The following CEP85L variants were observed in gnomAD, a reference collection of about 807,000 sequenced individuals.
CEP85L encodes centrosomal protein of 85 kDa-like.
In CEP85L, 60 loss-of-function variants were observed where a neutral mutation model predicts 100.3. The ratio of observed to expected loss-of-function variants is 0.60; its 90% confidence interval spans 0.49 to 0.74. The LOEUF is 0.74. Among genes scored for constraint, CEP85L ranks in the 30% least tolerant of loss-of-function variants. CEP85L has a pLI of 0.00. For synonymous variants in CEP85L, 319 were observed against 322.7 expected, an observed-to-expected ratio of 0.99 and a Z score of 0.12; for missense variants, 973 against 936.2, an observed-to-expected ratio of 1.04 and a Z score of -0.51.
Position 118,470,547 on chromosome 6 carries a change from G to A in CEP85L, c.2012C>T (p.Ala671Val). 2.5e-6 allele frequency: 4 copies of A among 1,583,068 alleles called. No homozygotes were observed. Among genetic ancestry groups the A allele is most frequent in the Non-Finnish European group, 3.4e-6 (4 of 1,163,778 alleles). Reference sequence around the variant, plus strand: ...ATTTCTTCTACTCACTTCAAGCAATGCTTTTGTTAATCTCTGTACATTTCT... The same window carrying A: ...ATTTCTTCTACTCACTTCAAGCAATACTTTTGTTAATCTCTGTACATTTCT... Reference protein sequence around the residue: ...KERNVQRLTKALLENQRQTDE... With the variant: ...KERNVQRLTKVLLENQRQTDE... Residue 671 changes from alanine to valine, a missense_variant, in exon 11 of 13, where the codon GCA becomes GTA. Coordinates refer to ENST00000368491, the MANE Select transcript of CEP85L (RefSeq NM_001042475.3).
chr6:118,612,226 T>A (rs376040875), intron 2 of CEP85L, among the ~76,000 whole-genome samples: 4 of 150,428 alleles, frequency 2.7e-5, no homozygotes, highest in African/African-American at 9.8e-5. Context: ...ACACTTACAG[T>A]CCTGAGAAGC....
chr6:118,686,170 T>C (rs923605194), intron 1 of CEP85L, among the ~76,000 whole-genome samples: 1 of 150,900 alleles, frequency 6.6e-6, no homozygotes, highest in Non-Finnish European at 1.5e-5. Context: ...GCTCGGAAGA[T>C]ATATGTTCTA....
chr6:118,676,367 C>T (rs1776483191), intron 1 of CEP85L, among the ~76,000 whole-genome samples: 1 of 152,160 alleles, frequency 6.6e-6, no homozygotes, highest in Non-Finnish European at 1.5e-5. Flanking sequence ...CGTTGGTAAG[C>T]ACCGTTCCAC....
chr6:118,523,813 A>C lies in CEP85L; in HGVS notation c.1128T>G (p.Ile376Met). The C allele has an allele frequency of 1.3e-6, 2 of 1,509,528 alleles. No individual in the cohort carries two copies. Among genetic ancestry groups the C allele is most frequent in the Non-Finnish European group, 1.8e-6 (2 of 1,088,074 alleles). The allele number at this position is 1,509,528 out of a possible 1,614,324, so 93.5% of individuals were successfully genotyped here. ...IKEGLLRQKE[I>M]VIDRQKQQIT... ...TAAAATAGACTCACCGATCGATTAC[A>C]ATTTCTTTCTGCCTTAGAAGTCCTT... Residue 376 changes from isoleucine to methionine, a missense_variant, in exon 4 of 13, where the codon ATT (isoleucine) becomes ATG (methionine). By Grantham distance (10) the Ile-to-Met change is conservative. Around this residue, in one of 3 missense-constraint regions of CEP85L, gnomAD observed 890 missense variants for 844.5 expected, o/e 1.05. Transcript: ENST00000368491.
intron 1 of CEP85L, among the ~76,000 whole-genome samples, chr6:118,703,276 A>G (rs1181861677): frequency 2.0e-5 from 3 of 151,830 alleles, no homozygotes; most frequent in Non-Finnish European, 4.4e-5. Context: ...TAAGCCACTA[A>G]GTTTTGAGGT....
chr6:118,647,064 T>G, intron 1 of CEP85L: 1 of 985,436 alleles, frequency 1.0e-6, no homozygotes, highest in South Asian at 4.7e-5. Flanking sequence ...CATGTTCAGT[T>G]GGGTTTAGGC....
chr6:118,645,280 C>G (rs889650164), intron 1 of CEP85L, among the ~76,000 whole-genome samples: 1 of 152,180 alleles, frequency 6.6e-6, no homozygotes, highest in African/African-American at 2.4e-5. Flanking sequence ...GGAGCTCTGC[C>G]CATCCTCTGC....
intron 2 of CEP85L, among the ~76,000 whole-genome samples, chr6:118,593,727 C>T (rs1404300699): frequency 1.3e-5 from 2 of 151,708 alleles, no homozygotes; most frequent in East Asian, 1.9e-4. Context: ...CAAATATCTC[C>T]GAAATCATCT....
intron 2 of CEP85L, among the ~76,000 whole-genome samples, chr6:118,575,723 T>C (rs183089020): frequency 2.3e-3 from 344 of 152,290 alleles, no homozygotes; most frequent in African/African-American, 7.6e-3. Flanking sequence ...CCTCAAGCTA[T>C]ATGTGATGCA....
chr6:118,677,166 CTCA>C (rs1427798825), intron 1 of CEP85L, among the ~76,000 whole-genome samples: 1 of 151,954 alleles, frequency 6.6e-6, no homozygotes, highest in Non-Finnish European at 1.5e-5. Context: ...ACTCAAGTTC[CTCA>C]TCTGCTTAAA....
At chr6:118,567,381 A>G (rs1410569383) in intron 2 of CEP85L, among the ~76,000 whole-genome samples, 1 of 150,924 alleles carries the variant, frequency 6.6e-6, no homozygotes, top group African/African-American at 2.4e-5. Flanking sequence ...TTTACCTCCA[A>G]AATAGTTGAG....
chr6:118,691,447 C>T (rs1217179846), intron 1 of CEP85L, among the ~76,000 whole-genome samples: 1 of 151,144 alleles, frequency 6.6e-6, no homozygotes, highest in Admixed American at 6.6e-5. Flanking sequence ...GCAGGAGAAT[C>T]GCTTTAACCC....
At chr6:118,674,969 C>T (rs1776433531) in intron 1 of CEP85L, among the ~76,000 whole-genome samples, 1 of 152,096 alleles carries the variant, frequency 6.6e-6, no homozygotes, top group Non-Finnish European at 1.5e-5. Flanking sequence ...GGTATTTACC[C>T]AAGAGAAATA....
chr6:118,650,402 A>C (rs1775469745), intron 1 of CEP85L, among the ~76,000 whole-genome samples: 1 of 152,184 alleles, frequency 6.6e-6, no homozygotes, highest in Non-Finnish European at 1.5e-5. Flanking sequence ...GCTCCTACAC[A>C]ACTTCTGAGC....
At chr6:118,605,469 T>TA (rs1354249105) in intron 2 of CEP85L, among the ~76,000 whole-genome samples, 1 of 152,186 alleles carries the variant, frequency 6.6e-6, no homozygotes, top group Non-Finnish European at 1.5e-5. Context: ...ACCTAGTTAT[T>TA]ACACACCAAA....
intron 10 of CEP85L, among the ~76,000 whole-genome samples, chr6:118,472,094 A>C (rs1773003738): frequency 6.6e-6 from 1 of 151,936 alleles, no homozygotes. Flanking sequence ...TAATTATTAT[A>C]TATAACAGAA....
chr6:118,495,813 G>A (rs185111798), intron 5 of CEP85L, among the ~76,000 whole-genome samples: 1 of 152,308 alleles, frequency 6.6e-6, no homozygotes, highest in East Asian at 1.9e-4. Context: ...AACAGCAGAG[G>A]ATATTGAGGC....
At chr6:118,518,213 A>C (rs1776400390) in intron 4 of CEP85L, among the ~76,000 whole-genome samples, 1 of 152,106 alleles carries the variant, frequency 6.6e-6, no homozygotes, top group African/African-American at 2.4e-5. Flanking sequence ...TGTCTCTGCC[A>C]GGTTTTGTCA....
intron 2 of CEP85L, among the ~76,000 whole-genome samples, chr6:118,599,704 T>A (rs1208892204): frequency 6.6e-6 from 1 of 150,930 alleles, no homozygotes; most frequent in African/African-American, 2.4e-5. Flanking sequence ...ATATCACTAA[T>A]GATGTCGAAT....
Sources: gnomAD v4.1 joint callset for allele counts (sites outside exome capture counted in the v4.1 genomes callset) on GRCh38, gnomAD v4.1.1 for gene constraint, gnomAD v4.1.1 regional missense constraint, MANE v1.5 for transcripts, NCBI Gene and HGNC (gene_info 2026-07-23, HGNC 2026-07-21) for gene names.